MAGI2: variants seen among roughly 807,000 people sequenced by gnomAD.
MAGI2 encodes the protein membrane-associated guanylate kinase, WW and PDZ domain-containing protein 2.
In MAGI2, 35 loss-of-function variants were observed where a neutral mutation model predicts 133.3. That is an observed-to-expected ratio of 0.26 (90% CI 0.20 to 0.35). MAGI2 has a LOEUF of 0.35. Among genes scored for constraint, MAGI2 ranks in the 10% least tolerant of loss-of-function variants. The probability of loss-of-function intolerance (pLI) is 1.00; values close to 1 mark genes in which losing one functional copy is unlikely to be tolerated. For synonymous variants in MAGI2, 729 were observed against 710.6 expected, an observed-to-expected ratio of 1.03 and a Z score of -0.41; for missense variants, 1,636 against 1,863.4, an observed-to-expected ratio of 0.88 and a Z score of 2.25.
chr7:78,231,316 A>G, intron 10 of MAGI2, among the ~76,000 whole-genome samples: 1 of 152,144 alleles, frequency 6.6e-6, no homozygotes, highest in South Asian at 2.1e-4. Context: ...TCCTCCATGG[A>G]GAGGAATACT....
intron 10 of MAGI2, among the ~76,000 whole-genome samples, chr7:78,238,519 A>T (rs1011400727): frequency 2.0e-5 from 3 of 149,606 alleles, no homozygotes; most frequent in African/African-American, 7.3e-5. Flanking sequence ...TGGGCAAAAT[A>T]ACGAGAACCT....
chr7:79,136,105 GAAAGAA>G (rs1292051686), intron 1 of MAGI2, among the ~76,000 whole-genome samples: 3 of 148,110 alleles, frequency 2.0e-5, no homozygotes, highest in Admixed American at 6.7e-5. Flanking sequence ...AAGAAAGAAA[GAAAGAA>G]AGAAAGAAAG....
chr7:79,177,385 A>T (rs1826193960), intron 1 of MAGI2, among the ~76,000 whole-genome samples: 1 of 152,056 alleles, frequency 6.6e-6, no homozygotes, highest in Non-Finnish European at 1.5e-5. Context: ...TTATCATTTT[A>T]TGTATATTAT....
intron 10 of MAGI2, among the ~76,000 whole-genome samples, chr7:78,228,092 A>G (rs1017324772): frequency 1.3e-5 from 2 of 152,200 alleles, no homozygotes; most frequent in African/African-American, 4.8e-5. Context: ...ATAACATTTT[A>G]TGGACATTGA....
intron 2 of MAGI2, among the ~76,000 whole-genome samples, chr7:78,938,324 A>G (rs1331131610): frequency 6.6e-6 from 1 of 152,116 alleles, no homozygotes; most frequent in Non-Finnish European, 1.5e-5. Flanking sequence ...ATATTATATA[A>G]CGATTCAAAG....
At chr7:79,443,422 C>T (rs557408403) in intron 1 of MAGI2, among the ~76,000 whole-genome samples, 1 of 151,456 alleles carries the variant, frequency 6.6e-6, no homozygotes, top group East Asian at 1.9e-4. Flanking sequence ...AAAAACAAAA[C>T]AAAACAAAAG....
At chr7:79,026,740 G>C (rs1809926180) in intron 1 of MAGI2, among the ~76,000 whole-genome samples, 1 of 152,058 alleles carries the variant, frequency 6.6e-6, no homozygotes, top group African/African-American at 2.4e-5. Context: ...CCGGTGTGTT[G>C]GTGCATGCCT....
intron 1 of MAGI2, among the ~76,000 whole-genome samples, chr7:79,160,887 T>C (rs1232265224): frequency 6.6e-6 from 1 of 152,018 alleles, no homozygotes; most frequent in East Asian, 1.9e-4. Context: ...CCCTTTTACA[T>C]TGGTGCCCCT....
At position 78,536,103 on chromosome 7, in the gene MAGI2, CTTTTTTTTTTT is replaced by C. The variant is rs544655465; in HGVS notation, c.539-14469_539-14459del. ...TACAGCTGGCTCTGTATGAATTAAA[CTTTTTTTTTTT>C]TTTTTTTTTTTTTTTTGAGACGGAG... is the stretch of plus-strand genomic sequence containing the variant. On this transcript the variant is annotated intron_variant, in intron 3 of 21. Coordinates refer to ENST00000354212, the MANE Select transcript of MAGI2 (RefSeq NM_012301.4). Among the ~76,000 whole-genome samples, 107 of 59,936 alleles carry C rather than the reference CTTTTTTTTTTT, an allele frequency of 1.8e-3. 1 individual carries two copies. Among genetic ancestry groups the C allele is most frequent in the Middle Eastern group, 0.023 (1 of 44 alleles). The allele number at this position is 59,936 out of a possible 152,430, so 39.3% of individuals were successfully genotyped here.
intron 9 of MAGI2, among the ~76,000 whole-genome samples, chr7:78,281,897 A>AAAG (rs1491390899): frequency 6.6e-6 from 1 of 151,348 alleles, no homozygotes; most frequent in Non-Finnish European, 1.5e-5. Flanking sequence ...AAAAAAAAAA[A>AAAG]GGAGAAAACT....
chr7:79,186,182 G>A (rs11976927), intron 1 of MAGI2, among the ~76,000 whole-genome samples: 24,446 of 130,752 alleles, frequency 0.19, 5,016 homozygotes, highest in African/African-American at 0.5. Flanking sequence ...AGCCCTATTT[G>A]CCTGGGAAAA....
At chr7:79,306,243 T>G in intron 1 of MAGI2, among the ~76,000 whole-genome samples, 1 of 146,956 alleles carries the variant, frequency 6.8e-6, no homozygotes, top group South Asian at 2.1e-4. Context: ...TATATGTATA[T>G]GTATATTTTA....
At position 78,018,152 on chromosome 7, in the gene MAGI2, C is replaced by T. The variant is rs991192136; in HGVS notation, c.*1163G>A. The T allele has an allele frequency of 3.3e-5, 5 of 151,500 alleles. No homozygotes were observed. Among genetic ancestry groups the T allele is most frequent in the African/African-American group, 9.7e-5 (4 of 41,134 alleles). 9.4% of individuals were successfully genotyped at this position (151,500 alleles called of 1,614,324 possible). A position where few individuals can be genotyped will look rare whatever the true frequency, so the allele number is the denominator to read the frequency against. Reference sequence around the variant, plus strand: ...AAATAAAGTGGCAAGGAATACAAGACGAAAGAAAACTAATGGAAACAAAAG... The same window carrying T: ...AAATAAAGTGGCAAGGAATACAAGATGAAAGAAAACTAATGGAAACAAAAG... On this transcript the variant is annotated 3_prime_UTR_variant, in exon 22 of 22. Coordinates refer to ENST00000354212, the MANE Select transcript of MAGI2 (RefSeq NM_012301.4).
intron 3 of MAGI2, among the ~76,000 whole-genome samples, chr7:78,552,176 C>CTTTTTTTTTT (rs869196799): frequency 1.1e-5 from 1 of 90,346 alleles, no homozygotes; most frequent in Non-Finnish European, 2.1e-5. Context: ...ATTTGTTTTC[C>CTTTTTTTTTT]TTTTTTTTTT....
At chr7:78,812,082 T>G (rs540871650) in intron 2 of MAGI2, among the ~76,000 whole-genome samples, 1 of 152,200 alleles carries the variant, frequency 6.6e-6, no homozygotes, top group South Asian at 2.1e-4. Flanking sequence ...CCAGGGAACA[T>G]GGGCAGCCTC....
At chr7:78,629,660 C>T (rs1808753029) in intron 2 of MAGI2, among the ~76,000 whole-genome samples, 2 of 152,174 alleles carry the variant, frequency 1.3e-5, no homozygotes, top group Admixed American at 1.3e-4. Context: ...TCCACAAATT[C>T]AGATTACTTA....
At chr7:78,704,782 T>TTTTTTTTTCC (rs573761752) in intron 2 of MAGI2, among the ~76,000 whole-genome samples, 14,096 of 143,076 alleles carry the variant, frequency 0.099, 1,316 homozygotes, top group East Asian at 0.43. Flanking sequence ...ATTATTCTTT[T>TTTTTTTTTCC]TTTTTTTTTT....
At chr7:78,570,776 C>T (rs953959282) in intron 3 of MAGI2, among the ~76,000 whole-genome samples, 2 of 152,066 alleles carry the variant, frequency 1.3e-5, no homozygotes, top group Non-Finnish European at 2.9e-5. Context: ...GTGCTTTGTT[C>T]CAGATTATAT....
At chr7:79,170,398 A>G (rs956756289) in intron 1 of MAGI2, among the ~76,000 whole-genome samples, 2 of 151,620 alleles carry the variant, frequency 1.3e-5, no homozygotes, top group African/African-American at 4.8e-5. Context: ...TTGGTCTCAA[A>G]CTTCTAGCCT....
Sources: gnomAD v4.1 joint callset for allele counts (sites outside exome capture counted in the v4.1 genomes callset) on GRCh38, gnomAD v4.1.1 for gene constraint, MANE v1.5 for transcripts, NCBI Gene and HGNC (gene_info 2026-07-23, HGNC 2026-07-21) for gene names.